The following RASGEF1C variants were observed in gnomAD, a reference collection of about 807,000 sequenced individuals.
The protein encoded by RASGEF1C is ras-GEF domain-containing family member 1C.
A neutral mutation model predicts 58.1 loss-of-function variants in RASGEF1C; 27 were observed. The observed-to-expected ratio is 0.46, with a 90% CI of 0.34 to 0.64. The LOEUF (loss-of-function observed/expected upper bound fraction) is 0.64, where lower values mean the gene tolerates loss of function less well. RASGEF1C is among the 30% of genes least tolerant of loss of function. The pLI is 0.01. For missense variants in RASGEF1C, 502 were observed against 605.1 expected, an observed-to-expected ratio of 0.83 and a Z score of 1.79; for synonymous variants, 243 against 246.3, an observed-to-expected ratio of 0.99 and a Z score of 0.13.
chr5:180,115,356 C>A, intron 10 of RASGEF1C: 1 of 410,684 alleles, frequency 2.4e-6, no homozygotes, highest in South Asian at 1.8e-5. Flanking sequence ...GATCTGATCC[C>A]GATGCACTTA....
At chr5:180,102,924 A>G (rs751515696) in intron 12 of RASGEF1C, among the ~76,000 whole-genome samples, 5 of 152,214 alleles carry the variant, frequency 3.3e-5, no homozygotes, top group Admixed American at 6.5e-5. Context: ...TCTCGTCTCT[A>G]TCTTACAAAG....
intron 1 of RASGEF1C, among the ~76,000 whole-genome samples, chr5:180,179,644 C>T (rs1000743962): frequency 8.5e-5 from 13 of 152,184 alleles, no homozygotes; most frequent in African/African-American, 1.7e-4. Context: ...GAAGGAGACG[C>T]GTCCTGCCAC....
chr5:180,126,603 G>A (rs1051574009), intron 6 of RASGEF1C, among the ~76,000 whole-genome samples: 20 of 152,116 alleles, frequency 1.3e-4, no homozygotes, highest in Admixed American at 7.9e-4. Context: ...TTCTCTCAGT[G>A]CCTGGAGGGA....
chr5:180,126,151 T>C (rs1766255027), intron 6 of RASGEF1C, among the ~76,000 whole-genome samples: 6 of 152,162 alleles, frequency 3.9e-5, no homozygotes, highest in Admixed American at 3.3e-4. Flanking sequence ...CTCACGCCTG[T>C]AATCCCAGCA....
chr5:180,182,472 G>A (rs114191904), intron 1 of RASGEF1C, among the ~76,000 whole-genome samples: 2 of 152,182 alleles, frequency 1.3e-5, no homozygotes, highest in African/African-American at 2.4e-5. Flanking sequence ...CCAGCAGGTT[G>A]CCGCTGTTGG....
At chr5:180,166,663 C>T (rs1767024243) in intron 1 of RASGEF1C, among the ~76,000 whole-genome samples, 1 of 151,870 alleles carries the variant, frequency 6.6e-6, no homozygotes, top group South Asian at 2.1e-4. Context: ...TTACAGGCAC[C>T]CACCACCATG....
At chr5:180,163,024 G>A (rs1416255373) in intron 1 of RASGEF1C, among the ~76,000 whole-genome samples, 1 of 152,028 alleles carries the variant, frequency 6.6e-6, no homozygotes, top group Non-Finnish European at 1.5e-5. Flanking sequence ...TTTAGATGTT[G>A]GCTACCAATT....
At chr5:180,135,996 G>A (rs1766465181) in intron 4 of RASGEF1C, among the ~76,000 whole-genome samples, 1 of 152,220 alleles carries the variant, frequency 6.6e-6, no homozygotes, top group Non-Finnish European at 1.5e-5. Flanking sequence ...AACCAGCCCA[G>A]CCCTTCTTGC....
intron 1 of RASGEF1C, among the ~76,000 whole-genome samples, chr5:180,141,633 C>T (rs1766580717): frequency 6.6e-6 from 1 of 151,898 alleles, no homozygotes; most frequent in South Asian, 2.1e-4. Flanking sequence ...ACAGTTCCAC[C>T]ACGATATGAA....
chr5:180,141,284 A>C (rs926530899), intron 1 of RASGEF1C, among the ~76,000 whole-genome samples: 3 of 152,204 alleles, frequency 2.0e-5, no homozygotes, highest in Non-Finnish European at 4.4e-5. Context: ...GATGTCCACA[A>C]ATAATTTTTA....
At chr5:180,167,529 A>G (rs1341987120) in intron 1 of RASGEF1C, among the ~76,000 whole-genome samples, 1 of 151,842 alleles carries the variant, frequency 6.6e-6, no homozygotes, top group Non-Finnish European at 1.5e-5. Context: ...AATTAAATAA[A>G]ATTTTGGTTA....
In RASGEF1C at chr5:180,155,270, C is replaced by T. The variant is rs1294501291; in HGVS notation, c.-6-17212G>A. Reference sequence around the variant, plus strand: ...GGCTCTGAAAGCCTCTGTGGTCCTCCTTTTCTCTCTCCTTGGAAGAGCCTG... The same window carrying T: ...GGCTCTGAAAGCCTCTGTGGTCCTCTTTTTCTCTCTCCTTGGAAGAGCCTG... On this transcript the variant is annotated intron_variant, in intron 1 of 13. Coordinates refer to ENST00000361132, the MANE Select transcript of RASGEF1C (RefSeq NM_175062.4). This position sits in a 1 kb window ranked among gnomAD's most constrained non-coding sequence, Gnocchi z 5.2. Among the ~76,000 whole-genome samples, 1 of 152,230 alleles carries T rather than the reference C, an allele frequency of 6.6e-6. No homozygotes were observed.
rs1041568646 is a variant in RASGEF1C, at chr5:180,138,183, G to A, written c.-6-125C>T. The stretch of plus-strand genomic sequence containing the variant: ...CTCCCCCCACAGCCACTTTGTGCCA[G>A]CTTGAGTCCAGTGGTCACTTCCTGG... On this transcript the variant is annotated intron_variant, in intron 1 of 13. Transcript: ENST00000361132. 8 of 562,640 alleles carry A rather than the reference G, an allele frequency of 1.4e-5. No individual in the cohort carries two copies. In the Admixed American group the frequency reaches 2.9e-4, roughly 21 times the overall value. The allele number at this position is 562,640 out of a possible 1,614,324, so 34.9% of individuals were successfully genotyped here.
intron 1 of RASGEF1C, among the ~76,000 whole-genome samples, chr5:180,204,737 CAGGAACA>C (rs1026841035): frequency 2.6e-4 from 40 of 152,076 alleles, no homozygotes; most frequent in African/African-American, 8.9e-4. Flanking sequence ...TTACTAAGGT[CAGGAACA>C]AGGTAAGGAG....
rs1430478953 is a variant in RASGEF1C at position 180,119,329 on chromosome 5, C to G, written c.907+17G>C. On this transcript the variant is annotated intron_variant, in intron 8 of 13. Coordinates refer to ENST00000361132, the MANE Select transcript of RASGEF1C (RefSeq NM_175062.4). ...GACCCGTGCACTGGGGGCCACAGGC[C>G]AGGCCGGCCCACTCACAGATGATGG... is the stretch of plus-strand genomic sequence containing the variant. 1 of 1,605,054 alleles carries G rather than the reference C, an allele frequency of 6.2e-7. No homozygotes were observed. Among genetic ancestry groups the G allele is most frequent in the African/African-American group, 1.3e-5 (1 of 74,770 alleles).
intron 1 of RASGEF1C, among the ~76,000 whole-genome samples, chr5:180,173,715 C>T (rs1014890111): frequency 2.6e-4 from 40 of 152,190 alleles, no homozygotes; most frequent in Middle Eastern, 3.4e-3. Flanking sequence ...GAGTTTGAGA[C>T]CAGCCTGGCC....
intron 5 of RASGEF1C, among the ~76,000 whole-genome samples, 174 bp downstream of exon 5, chr5:180,128,236 C>T (rs565634722): frequency 6.6e-6 from 1 of 152,354 alleles, no homozygotes; most frequent in South Asian, 2.1e-4. Flanking sequence ...CCTCCCTCTC[C>T]CTGGGGTGGG....
rs1018418355 is a variant in RASGEF1C at position 180,158,840 on chromosome 5, T to C, written c.-6-20782A>G. Among the ~76,000 whole-genome samples, 1 of 152,080 alleles carries C rather than the reference T, an allele frequency of 6.6e-6. No individual in the cohort carries two copies. The highest frequency in any genetic ancestry group is 1.5e-5 in the Non-Finnish European group (1 of 68,020). ...TTCTTAAATCATTTCACAGATGGTT[T>C]CCTCTCCTTCATTTTCTCTGTCTAG... On this transcript the variant is annotated intron_variant, in intron 1 of 13. Coordinates refer to ENST00000361132, the MANE Select transcript of RASGEF1C (RefSeq NM_175062.4). The surrounding 1 kb of genome is among the most constrained non-coding windows in gnomAD (Gnocchi z 4.0).
At chr5:180,152,911 CAAAAAAAAAA>C (rs755521241) in intron 1 of RASGEF1C, among the ~76,000 whole-genome samples, 1 of 71,704 alleles carries the variant, frequency 1.4e-5, no homozygotes, top group Non-Finnish European at 2.9e-5. Flanking sequence ...AACCCCATCT[CAAAAAAAAAA>C]AAAAAAAAAA....
Sources: allele counts gnomAD v4.1 joint callset (sites outside exome capture counted in the v4.1 genomes callset), GRCh38; gene constraint gnomAD v4.1.1; non-coding constraint Gnocchi (gnomAD v3.1); transcripts MANE v1.5; gene names NCBI Gene and HGNC (gene_info 2026-07-23, HGNC 2026-07-21).